SLC2A9: variants seen among roughly 807,000 people sequenced by gnomAD.
SLC2A9 encodes solute carrier family 2, facilitated glucose transporter member 9.
SLC2A9 carries 39 observed loss-of-function variants against 50.6 expected under a neutral mutation model. The ratio of observed to expected loss-of-function variants is 0.77; its 90% CI spans 0.60 to 1.01. The LOEUF is 1.01. Among genes scored for constraint, SLC2A9 ranks in the 50% least tolerant of loss-of-function variants. SLC2A9 has a pLI of 0.00. For synonymous variants in SLC2A9, 324 were observed against 276.9 expected (o/e 1.17, Z -1.69); for missense variants, 686 against 677.6 (o/e 1.01, Z -0.14).
At chr4:9,893,552 G>T (rs13114702) in intron 8 of SLC2A9, among the ~76,000 whole-genome samples, 1 of 149,666 alleles carries the variant, frequency 6.7e-6, no homozygotes. Flanking sequence ...GAGGCAGAGA[G>T]GGACGGAGGG....
At chr4:10,019,324 A>G (rs1240162506) in intron 1 of SLC2A9, 6 of 559,304 alleles carry the variant, frequency 1.1e-5, no homozygotes, top group African/African-American at 1.9e-5. Context: ...GGGTTGCGTG[A>G]GGATTCCTGA....
chr4:9,790,358 A>T (rs755883509), intron 3 of SLC2A9, among the ~76,000 whole-genome samples: 1 of 152,208 alleles, frequency 6.6e-6, no homozygotes, highest in Non-Finnish European at 1.5e-5. Flanking sequence ...AGTTGTCTAC[A>T]TGAGTGAGAT....
At chr4:9,933,366 T>C (rs1241845237) in intron 6 of SLC2A9, among the ~76,000 whole-genome samples, 1 of 152,140 alleles carries the variant, frequency 6.6e-6, no homozygotes, top group Non-Finnish European at 1.5e-5. Context: ...CCCTTTCTCC[T>C]GGAAAGGGGA....
intron 10 of SLC2A9, among the ~76,000 whole-genome samples, chr4:9,843,024 G>A (rs186429004): frequency 7.2e-5 from 11 of 152,256 alleles, no homozygotes; most frequent in Non-Finnish European, 1.5e-4. Flanking sequence ...ACATCTCAGA[G>A]TTACCCAGTC....
At chr4:9,830,795 A>C (rs1268997806) in intron 11 of SLC2A9, among the ~76,000 whole-genome samples, 2 of 152,202 alleles carry the variant, frequency 1.3e-5, no homozygotes, top group Non-Finnish European at 2.9e-5. Flanking sequence ...CCCAAGCAAC[A>C]CTGATGCTGA....
chr4:9,975,785 A>G (rs934225069), intron 5 of SLC2A9, among the ~76,000 whole-genome samples: 1 of 152,234 alleles, frequency 6.6e-6, no homozygotes, highest in Non-Finnish European at 1.5e-5. Flanking sequence ...TACCAAAAAG[A>G]GTGATGCACT....
chr4:10,037,411 C>G (rs1054607595), intron 1 of SLC2A9, among the ~76,000 whole-genome samples: 1 of 152,186 alleles, frequency 6.6e-6, no homozygotes, highest in Admixed American at 6.5e-5. Context: ...TAGCCTTCTT[C>G]TGGGCAAACC....
intron 3 of SLC2A9, among the ~76,000 whole-genome samples, chr4:9,812,190 T>A (rs1011685677): frequency 7.2e-5 from 11 of 152,232 alleles, no homozygotes; most frequent in Non-Finnish European, 1.5e-4. Context: ...AGTTCCTATA[T>A]CTCTCAACAA....
intron 10 of SLC2A9, among the ~76,000 whole-genome samples, chr4:9,848,778 C>T (rs1272703607): frequency 6.6e-6 from 1 of 150,424 alleles, no homozygotes; most frequent in Non-Finnish European, 1.5e-5. Flanking sequence ...GATCTCGGCT[C>T]ACTGCAAGCT....
chr4:9,898,006 G>A (rs1476803424), intron 8 of SLC2A9, among the ~76,000 whole-genome samples: 1 of 152,240 alleles, frequency 6.6e-6, no homozygotes, highest in Non-Finnish European at 1.5e-5. Flanking sequence ...AAGATCACCT[G>A]TAAGTTCCTG....
chr4:9,809,486 G>A (rs895060523), intron 3 of SLC2A9, among the ~76,000 whole-genome samples: 2 of 152,224 alleles, frequency 1.3e-5, no homozygotes, highest in African/African-American at 4.8e-5. Flanking sequence ...TACTGGGGTG[G>A]AGAGAAGGGA....
At chr4:9,873,623 A>G (rs921927473) in intron 10 of SLC2A9, among the ~76,000 whole-genome samples, 7 of 152,162 alleles carry the variant, frequency 4.6e-5, no homozygotes, top group African/African-American at 1.7e-4. Context: ...TGGTCAAGTT[A>G]CCCTTCTCAG....
intron 5 of SLC2A9, among the ~76,000 whole-genome samples, chr4:9,966,028 T>G (rs1359320199): frequency 1.3e-5 from 2 of 152,236 alleles, no homozygotes. Context: ...CTGTGGTTAC[T>G]TGTTACAGCA....
intron 5 of SLC2A9, among the ~76,000 whole-genome samples, chr4:9,947,092 G>T (rs1176372227): frequency 6.6e-6 from 1 of 152,184 alleles, no homozygotes; most frequent in East Asian, 1.9e-4. Flanking sequence ...CTCTTCCCCA[G>T]GCTTGCTAGC....
At chr4:9,783,521 G>GCA in intron 3 of SLC2A9, 1 of 1,451,244 alleles carries the variant, frequency 6.9e-7, no homozygotes, top group Non-Finnish European at 9.4e-7. Context: ...TGACAAGCAC[G>GCA]CACACACACG....
intron 5 of SLC2A9, among the ~76,000 whole-genome samples, chr4:9,965,755 AT>A (rs1752954621): frequency 6.6e-6 from 1 of 152,216 alleles, no homozygotes; most frequent in Non-Finnish European, 1.5e-5. Context: ...CATTTCAGTT[AT>A]TTTTTAAATG....
At chr4:9,986,501 C>G (rs928896972) in intron 3 of SLC2A9, among the ~76,000 whole-genome samples, 29 of 152,086 alleles carry the variant, frequency 1.9e-4, no homozygotes, top group East Asian at 3.8e-4. Flanking sequence ...GCCCCAGCAT[C>G]AGAGAGAGAG....
chr4:9,811,257 C>T (rs983639199), intron 3 of SLC2A9, among the ~76,000 whole-genome samples: 1 of 152,178 alleles, frequency 6.6e-6, no homozygotes, highest in Non-Finnish European at 1.5e-5. Flanking sequence ...TCCTGCATGC[C>T]CCTTTGGGAT....
chr4:9,875,026 A>T (rs867441231), intron 10 of SLC2A9, among the ~76,000 whole-genome samples: 8 of 99,354 alleles, frequency 8.1e-5, no homozygotes, highest in Non-Finnish European at 1.8e-4. Flanking sequence ...TGTCTTTAGA[A>T]ATGGCCATAG....
Sources: allele counts gnomAD v4.1 joint callset (sites outside exome capture counted in the v4.1 genomes callset), GRCh38; gene constraint gnomAD v4.1.1; transcripts MANE v1.5; gene names NCBI Gene and HGNC (gene_info 2026-07-23, HGNC 2026-07-21).